Variants in CDAN1 observed in about 807,000 individuals in gnomAD.
The protein encoded by CDAN1 is codanin 1.
Under a neutral mutation model 139.8 loss-of-function variants are expected in CDAN1, and 107 were observed. The ratio of observed to expected loss-of-function variants is 0.77; its 90% CI spans 0.65 to 0.90. The LOEUF (loss-of-function observed/expected upper bound fraction) is 0.90, where lower values mean the gene tolerates loss of function less well. Among genes scored for constraint, CDAN1 ranks in the 40% least tolerant of loss-of-function variants. The probability of loss-of-function intolerance (pLI) is 0.00; values close to 1 mark genes in which losing one functional copy is unlikely to be tolerated. For missense variants in CDAN1, 1,667 were observed against 1,575.7 expected (o/e 1.06, Z -0.98); for synonymous variants, 776 against 660.6 (o/e 1.17, Z -2.68).
At chr15:42,730,822 C>T in intron 13 of CDAN1, 58 bp from the exon 14 acceptor site, 1 of 1,613,242 alleles carries the variant, frequency 6.2e-7, no homozygotes, top group East Asian at 2.2e-5. Flanking sequence ...GGGAGATGCC[C>T]TTTAACCTGC....
chr15:42,736,605 G>A lies in CDAN1; in HGVS notation c.266C>T (p.Pro89Leu), dbSNP rs1202223873. 2 of 1,503,576 alleles carry A rather than the reference G, an allele frequency of 1.3e-6. No homozygotes were observed. Among genetic ancestry groups the A allele is most frequent in the Non-Finnish European group, 8.9e-7 (1 of 1,127,998 alleles). The allele number at this position is 1,503,576 out of a possible 1,614,324, so 93.1% of individuals were successfully genotyped here. The change falls in exon 2 of 28, where the codon CCG becomes CTG. Residue 89 changes from proline to leucine, a missense_variant. Pro to Leu is a moderately conservative substitution (Grantham distance 98). Transcript: ENST00000356231. Reference sequence around the variant, plus strand: ...GCGCGCCCCGCGGCTACCCCGCGGCGGGCCTCCCGGCCTCCCTGGCAAGGC... The same window carrying A: ...GCGCGCCCCGCGGCTACCCCGCGGCAGGCCTCCCGGCCTCCCTGGCAAGGC... ...SAALPGRPGG[P>L]PRGSRGARSQ...
rs146535176 is a variant in CDAN1, at chr15:42,728,115, C to T, written c.2869-82G>A. ...TGCCAGAGTCGAGCACTGACCCCGC[C>T]CCCACACACCCTCCCGCAGCCTCAG... is the stretch of plus-strand genomic sequence containing the variant. On this transcript the variant is annotated intron_variant, in intron 21 of 27. Coordinates refer to ENST00000356231, the MANE Select transcript of CDAN1 (RefSeq NM_138477.4). 9.5e-4 allele frequency: 1,506 copies of T among 1,580,670 alleles called. 5 individuals carry two copies. Among genetic ancestry groups the T allele is most frequent in the Middle Eastern group, 6.7e-3 (39 of 5,802 alleles).
chr15:42,734,403 C>T, intron 6 of CDAN1, 57 bp from the exon 7 acceptor site: 1 of 1,607,880 alleles, frequency 6.2e-7, no homozygotes, highest in Non-Finnish European at 8.5e-7. Context: ...AAGTAGGAAG[C>T]AAGCACCTGC....
At chr15:42,724,789 T>C in intron 27 of CDAN1, 173 bp from the exon 28 acceptor site, 1 of 873,790 alleles carries the variant, frequency 1.1e-6, no homozygotes, top group Admixed American at 2.1e-5. Context: ...GAGGCTGAAG[T>C]TATGGCAGGG....
chr15:42,728,908 G>A, intron 19 of CDAN1, 98 bp from the exon 20 acceptor site: 1 of 1,592,886 alleles, frequency 6.3e-7, no homozygotes, highest in Non-Finnish European at 8.6e-7. Flanking sequence ...TTCAAAATGT[G>A]TCAGCCATTT....
Position 42,724,348 on chromosome 15 carries a change from G to T in CDAN1, c.*143C>A. On this transcript the variant is annotated 3_prime_UTR_variant, in exon 28 of 28. Transcript: ENST00000356231. The stretch of plus-strand genomic sequence containing the variant: ...GATTCGCGTGGTGGGATGCCAGGCA[G>T]TGACACCCTTAGAGCAGGAAGTCTG... The T allele has an allele frequency of 8.9e-7, 1 of 1,125,752 alleles. No homozygotes were observed. The highest frequency in any genetic ancestry group is 1.3e-6 in the Non-Finnish European group (1 of 779,520). The allele number at this position is 1,125,752 out of a possible 1,614,324, so 69.7% of individuals were successfully genotyped here. A position where few individuals can be genotyped will look rare whatever the true frequency, so the allele number is the denominator to read the frequency against.
In CDAN1 at chr15:42,728,730, C is replaced by G. The variant is rs778811422; in HGVS notation, c.2726G>C (p.Gly909Ala). ...EQLVTQGEEG[G>A]DPAQLLEILC... The stretch of plus-strand genomic sequence containing the variant: ...GATCTCCAACAGCTGGGCTGGGTCT[C>G]CCCCTTCCTCTCCCTGTGTCACCAG... Residue 909 changes from glycine to alanine, a missense_variant, in exon 20 of 28, where the codon GGA becomes GCA. Around this residue, in one of 3 missense-constraint regions of CDAN1, gnomAD observed 936 missense variants for 844.1 expected, o/e 1.11. Transcript: ENST00000356231. 1 of 1,614,198 alleles carries G rather than the reference C, an allele frequency of 6.2e-7. No individual in the cohort carries two copies. Among genetic ancestry groups the G allele is most frequent in the East Asian group, 2.2e-5 (1 of 44,874 alleles).
chr15:42,725,879 C>T (rs1412866527), intron 25 of CDAN1, among the ~76,000 whole-genome samples: 4 of 145,836 alleles, frequency 2.7e-5, no homozygotes, highest in South Asian at 2.2e-4. Context: ...GCTACTTGGC[C>T]GAGGCAGAAT....
In CDAN1 at chr15:42,734,355, A is replaced by G. The variant is rs1018476805; in HGVS notation, c.1137-9T>C. 3 of 1,613,940 alleles carry G rather than the reference A, an allele frequency of 1.9e-6. No individual in the cohort carries two copies. Among genetic ancestry groups the G allele is most frequent in the Non-Finnish European group, 2.5e-6 (3 of 1,180,022 alleles). On this transcript the variant is annotated splice_polypyrimidine_tract_variant and intron_variant, in intron 6 of 27. Transcript: ENST00000356231. ...CCAGGTTGGAAAGAACCCTGCAGGGACAAGAGCACCTATGACTGAGACCAG... is the reference window on the plus strand; with the variant it reads ...CCAGGTTGGAAAGAACCCTGCAGGGGCAAGAGCACCTATGACTGAGACCAG...
In CDAN1 at chr15:42,731,646, AAAG is replaced by A. The variant is rs753688503; in HGVS notation, c.1710_1712del (p.Phe571del). ...TGCTGGCACTAAGGATGAAGTCCCT[AAAG>A]AAGCCTTGACAGCCTGGGAAGGTGG... On this transcript the variant is annotated inframe_deletion, in exon 11 of 28. Coordinates refer to ENST00000356231, the MANE Select transcript of CDAN1 (RefSeq NM_138477.4). 1 of 1,614,156 alleles carries A rather than the reference AAAG, an allele frequency of 6.2e-7. No homozygotes were observed. The highest frequency in any genetic ancestry group is 8.5e-7 in the Non-Finnish European group (1 of 1,180,008).
chr15:42,729,938 C>A lies in CDAN1; in HGVS notation c.2263-53G>T, dbSNP rs2061586889. 4 of 1,375,246 alleles carry A rather than the reference C, an allele frequency of 2.9e-6. No individual in the cohort carries two copies. The Admixed American group carries it at 5.6e-5, about 19-fold the overall frequency. The allele number at this position is 1,375,246 out of a possible 1,614,324, so 85.2% of individuals were successfully genotyped here. ...ACTTCAGAGACCCCCACCCAACCCA[C>A]CCCACCTCCTGCACGGTCCCAGGGT... On this transcript the variant is annotated intron_variant, in intron 15 of 27. Transcript: ENST00000356231.
At position 42,737,034 on chromosome 15, in the gene CDAN1, C is replaced by T; in HGVS notation, c.69G>A (p.Ala23=). 6.5e-7 allele frequency: 1 copy of T among 1,547,822 alleles called. No homozygotes were observed. Among genetic ancestry groups the T allele is most frequent in the South Asian group, 1.2e-5 (1 of 83,546 alleles). ...VSVAAVVRWI[A]RSTQGSEDNA... The stretch of plus-strand genomic sequence containing the variant: ...TTACCTCCGAACCCTGGGTGCTGCG[C>T]GCGATCCACCGCACGACGGCTGCGA... Residue 23 remains alanine (A), a synonymous_variant, in exon 1 of 28, where the codon GCG becomes GCA. Transcript: ENST00000356231.
intron 15 of CDAN1, 38 bp downstream of exon 15, chr15:42,730,090 T>C (rs2140481417): frequency 6.3e-7 from 1 of 1,579,372 alleles, no homozygotes; most frequent in Non-Finnish European, 8.7e-7. Flanking sequence ...TCTTCAGCTG[T>C]AGAACCTCTC....
chr15:42,726,587 C>T, intron 23 of CDAN1, 170 bp from the exon 24 acceptor site: 1 of 610,298 alleles, frequency 1.6e-6, no homozygotes, highest in East Asian at 2.8e-5. Flanking sequence ...GATAATACAG[C>T]CAGGGGAAGC....
rs754747407 is a variant in CDAN1 at position 42,728,042 on chromosome 15, CAG to C, written c.2869-11_2869-10del. On this transcript the variant is annotated splice_polypyrimidine_tract_variant and intron_variant, in intron 21 of 27. Transcript: ENST00000356231. ...TCTGCACTGCTCAGAACCTGCGAAACAGAACTACAGAGTCAGGGGCTAGGGGA... is the reference window on the plus strand; with the variant it reads ...TCTGCACTGCTCAGAACCTGCGAAACAACTACAGAGTCAGGGGCTAGGGGA... 9 of 1,613,634 alleles carry C rather than the reference CAG, an allele frequency of 5.6e-6. No individual in the cohort carries two copies. Among genetic ancestry groups the C allele is most frequent in the East Asian group, 2.2e-5 (1 of 44,842 alleles).
At chr15:42,728,564 A>AAAGG in intron 20 of CDAN1, 88 bp downstream of exon 20, 19 of 1,552,178 alleles carry the variant, frequency 1.2e-5, no homozygotes, top group Non-Finnish European at 1.6e-5. Context: ...TGAAGAGAAG[A>AAAGG]AAGGGAAAAA....
At chr15:42,733,843 G>T in intron 8 of CDAN1, 95 bp downstream of exon 8, 1 of 914,304 alleles carries the variant, frequency 1.1e-6, no homozygotes, top group Non-Finnish European at 1.8e-6. Flanking sequence ...ACCACCTGTT[G>T]GTGCCAAACT....
chr15:42,725,146 C>G lies in CDAN1; in HGVS notation c.3556G>C (p.Gly1186Arg). The change falls in exon 27 of 28, where the codon GGG (glycine) becomes CGG (arginine). Residue 1186 changes from glycine to arginine, a missense_variant and splice_region_variant. Around this residue, in one of 3 missense-constraint regions of CDAN1, gnomAD observed 936 missense variants for 844.1 expected, o/e 1.11. Coordinates refer to ENST00000356231, the MANE Select transcript of CDAN1 (RefSeq NM_138477.4). ...LGSLHQAQWP[G>R]DFAEELATLS... is the part of the protein sequence containing the mutation. ...CTAAAAGACAGGAGACTCCTTACCC[C>G]TGGCCACTGGGCCTGGTGGAGGCTG... The G allele has an allele frequency of 6.2e-7, 1 of 1,612,896 alleles. No individual in the cohort carries two copies. Among genetic ancestry groups the G allele is most frequent in the South Asian group, 1.1e-5 (1 of 91,064 alleles).
Position 42,726,438 on chromosome 15 carries a change from T to G in CDAN1, c.3097-21A>C, listed in dbSNP as rs1236078207. On this transcript the variant is annotated intron_variant, in intron 23 of 27. Coordinates refer to ENST00000356231, the MANE Select transcript of CDAN1 (RefSeq NM_138477.4). ...ACGTCCTGTGAAGAGCAGGGGGAGA[T>G]ATCACCTTGCGCTGGGGGCCAGGAT... The G allele has an allele frequency of 4.5e-6, 7 of 1,554,480 alleles. No homozygotes were observed. The African/African-American group carries it at 9.5e-5, about 21-fold the overall frequency.
Sources: gnomAD v4.1 joint callset for allele counts (sites outside exome capture counted in the v4.1 genomes callset) on GRCh38, gnomAD v4.1.1 for gene constraint, gnomAD v4.1.1 regional missense constraint, MANE v1.5 for transcripts, NCBI Gene and HGNC (gene_info 2026-07-23, HGNC 2026-07-21) for gene names.